Variants in SLC2A9 observed in about 807,000 individuals in gnomAD.
SLC2A9 encodes solute carrier family 2, facilitated glucose transporter member 9.
In SLC2A9, 39 loss-of-function variants were observed where a neutral mutation model predicts 50.6. The observed-to-expected ratio is 0.77, with a 90% confidence interval of 0.60 to 1.01. The LOEUF (loss-of-function observed/expected upper bound fraction) is 1.01, where lower values mean the gene tolerates loss of function less well. SLC2A9 is among the 50% of genes least tolerant of loss of function. The pLI is 0.00. For missense variants in SLC2A9, 686 were observed against 677.6 expected (o/e 1.01, Z -0.14); for synonymous variants, 324 against 276.9 (o/e 1.17, Z -1.69).
intron 5 of SLC2A9, among the ~76,000 whole-genome samples, chr4:9,963,930 G>A (rs540659999): frequency 3.9e-5 from 6 of 152,278 alleles, no homozygotes; most frequent in African/African-American, 1.4e-4. Context: ...CACCCAACAC[G>A]CTTGTTAATT....
At position 9,783,121 on chromosome 4, in the gene SLC2A9, CT is replaced by C. The variant is rs771246666; in HGVS notation, n.386-3057del. ...CCGTCATCTATGCCTTCAACGCCGACTTTCAGAAGGTGTTTGCCCAGCTGCT... is the reference window on the plus strand; with the variant it reads ...CCGTCATCTATGCCTTCAACGCCGACTTCAGAAGGTGTTTGCCCAGCTGCT... On this transcript the variant is annotated intron_variant and non_coding_transcript_variant, in intron 3 of 3. Transcript: ENST00000503803. 6.2e-6 allele frequency: 10 copies of C among 1,614,252 alleles called. No individual in the cohort carries two copies. In the East Asian group the frequency reaches 2.2e-4, roughly 36 times the overall value.
chr4:9,959,797 T>C (rs1751959622), intron 5 of SLC2A9, among the ~76,000 whole-genome samples: 1 of 152,240 alleles, frequency 6.6e-6, no homozygotes, highest in African/African-American at 2.4e-5. Flanking sequence ...ATCCCTGGTC[T>C]ACACTCTCAG....
At chr4:10,038,344 C>G (rs1422682175) in intron 1 of SLC2A9, among the ~76,000 whole-genome samples, 2 of 151,610 alleles carry the variant, frequency 1.3e-5, no homozygotes, top group African/African-American at 4.9e-5. Context: ...CCAGTCTCTA[C>G]TAAAAATGCA....
intron 5 of SLC2A9, among the ~76,000 whole-genome samples, chr4:9,966,473 T>A (rs1197233356): frequency 6.6e-6 from 1 of 152,050 alleles, no homozygotes; most frequent in East Asian, 1.9e-4. Context: ...CTGGCCAACA[T>A]GGTGAAACTC....
intron 3 of SLC2A9, among the ~76,000 whole-genome samples, chr4:9,994,939 C>T (rs990026276): frequency 3.9e-5 from 6 of 152,094 alleles, no homozygotes; most frequent in African/African-American, 1.4e-4. Flanking sequence ...GCTTAGTGAC[C>T]ATGCCTCAGG....
chr4:9,884,103 T>A (rs960373523), intron 10 of SLC2A9, among the ~76,000 whole-genome samples: 2 of 152,230 alleles, frequency 1.3e-5, no homozygotes, highest in Non-Finnish European at 2.9e-5. Flanking sequence ...TGGGTGGTTC[T>A]ATGAGTGAGA....
At chr4:9,891,137 T>C (rs1264922154) in intron 8 of SLC2A9, among the ~76,000 whole-genome samples, 1 of 151,840 alleles carries the variant, frequency 6.6e-6, no homozygotes, top group Non-Finnish European at 1.5e-5. Flanking sequence ...GGGGTGGGAG[T>C]AGGCAGAGAA....
At chr4:10,013,575 G>C (rs1042969601) in intron 2 of SLC2A9, among the ~76,000 whole-genome samples, 1 of 152,242 alleles carries the variant, frequency 6.6e-6, no homozygotes, top group Admixed American at 6.5e-5. Context: ...CAAGGATCCA[G>C]TGTGCACACA....
Position 9,810,012 on chromosome 4 carries a change from C to T in SLC2A9, n.421-10771G>A, listed in dbSNP as rs1722672533. Among the ~76,000 whole-genome samples, 4 of 152,214 alleles carry T rather than the reference C, an allele frequency of 2.6e-5. 1 individual carries two copies. The Middle Eastern group carries it at 0.01, about 388-fold the overall frequency. On this transcript the variant is annotated intron_variant and non_coding_transcript_variant, in intron 3 of 3. Transcript: ENST00000503280. Reference sequence around the variant, plus strand: ...CTATTCTTATATTATTCTTCTCTGGCCATCCAATCTAAAGTCACAATCCAG... The same window carrying T: ...CTATTCTTATATTATTCTTCTCTGGTCATCCAATCTAAAGTCACAATCCAG...
At chr4:9,994,564 C>CTTTTTTT (rs35574155) in intron 3 of SLC2A9, among the ~76,000 whole-genome samples, 9 of 131,824 alleles carry the variant, frequency 6.8e-5, no homozygotes, top group Non-Finnish European at 7.9e-5. Flanking sequence ...TTTCCTTTTC[C>CTTTTTTT]TTTTTTTTTT....
intron 2 of SLC2A9, among the ~76,000 whole-genome samples, chr4:10,011,413 C>A (rs945091717): frequency 5.3e-5 from 8 of 152,176 alleles, no homozygotes; most frequent in Non-Finnish European, 1.0e-4. Flanking sequence ...CTCACAGGTA[C>A]CAAGAGGACA....
intron 1 of SLC2A9, among the ~76,000 whole-genome samples, chr4:9,771,670 C>T (rs1466602464): frequency 6.6e-6 from 1 of 152,220 alleles, no homozygotes; most frequent in Non-Finnish European, 1.5e-5. Context: ...TAAGTCAGCA[C>T]CGAGCGAACA....
intron 10 of SLC2A9, among the ~76,000 whole-genome samples, chr4:9,840,268 T>C (rs1320800888): frequency 6.6e-6 from 1 of 152,192 alleles, no homozygotes; most frequent in Non-Finnish European, 1.5e-5. Flanking sequence ...CTGAATGCTC[T>C]CCCAAACCCT....
At chr4:9,889,229 G>A (rs1736877842) in intron 9 of SLC2A9, among the ~76,000 whole-genome samples, 1 of 151,988 alleles carries the variant, frequency 6.6e-6, no homozygotes, top group African/African-American at 2.4e-5. Context: ...GCAAGGAGAA[G>A]CTAGCCAAGC....
chr4:9,936,565 G>A (rs1170649290), intron 6 of SLC2A9, among the ~76,000 whole-genome samples: 1 of 152,250 alleles, frequency 6.6e-6, no homozygotes, highest in African/African-American at 2.4e-5. Flanking sequence ...CTCAAGCACT[G>A]TCATGGCTAA....
chr4:9,790,295 G>T (rs369166088), intron 3 of SLC2A9, among the ~76,000 whole-genome samples: 36 of 152,260 alleles, frequency 2.4e-4, no homozygotes, highest in African/African-American at 7.7e-4. Context: ...TCTCCATCTT[G>T]GACCTTTTCC....
intron 8 of SLC2A9, among the ~76,000 whole-genome samples, chr4:9,894,066 G>A (rs529534518): frequency 6.6e-6 from 1 of 152,278 alleles, no homozygotes; most frequent in Non-Finnish European, 1.5e-5. Context: ...CACACCCTTG[G>A]ACTCAGTCAC....
intron 3 of SLC2A9, among the ~76,000 whole-genome samples, chr4:9,789,705 G>A (rs925878690): frequency 3.3e-5 from 5 of 152,236 alleles, no homozygotes; most frequent in East Asian, 1.9e-4. Flanking sequence ...ACAAGAGCAG[G>A]CAGAGCCATC....
chr4:9,893,875 A>G (rs1167107564), intron 8 of SLC2A9, among the ~76,000 whole-genome samples: 2 of 152,248 alleles, frequency 1.3e-5, no homozygotes, highest in Non-Finnish European at 2.9e-5. Flanking sequence ...GTAACAATGC[A>G]ACACATGTTA....
Sources: allele counts gnomAD v4.1 joint callset (sites outside exome capture counted in the v4.1 genomes callset), GRCh38; gene constraint gnomAD v4.1.1; transcripts MANE v1.5; gene names NCBI Gene and HGNC (gene_info 2026-07-23, HGNC 2026-07-21).